PACSIN1: variants seen among roughly 807,000 people sequenced by gnomAD.
The protein encoded by PACSIN1 is protein kinase C and casein kinase substrate in neurons protein 1.
Under a neutral mutation model 59.5 loss-of-function variants are expected in PACSIN1, and 15 were observed. The ratio of observed to expected loss-of-function variants is 0.25; its 90% CI spans 0.17 to 0.39. The LOEUF (loss-of-function observed/expected upper bound fraction) is 0.39, where lower values mean the gene tolerates loss of function less well. PACSIN1 is among the 10% of genes least tolerant of loss of function. The pLI, the probability that PACSIN1 is intolerant of heterozygous loss-of-function variation, is 1.00. For synonymous variants in PACSIN1, 210 were observed against 220.6 expected (o/e 0.95, Z 0.42); for missense variants, 420 against 580.2 (o/e 0.72, Z 2.84).
At chr6:34,467,739 G>A (rs906130443) in intron 1 of PACSIN1, among the ~76,000 whole-genome samples, 1 of 151,990 alleles carries the variant, frequency 6.6e-6, no homozygotes, top group African/African-American at 2.4e-5. Context: ...TATATTTTTA[G>A]TAGAGACGGG....
At chr6:34,487,432 CCG>C (rs1491091355) in intron 1 of PACSIN1, among the ~76,000 whole-genome samples, 1 of 152,112 alleles carries the variant, frequency 6.6e-6, no homozygotes, top group Non-Finnish European at 1.5e-5. Flanking sequence ...CCCCCGTGCT[CCG>C]GTGGGCTGAG....
At chr6:34,479,219 A>C (rs1766681834) in intron 1 of PACSIN1, among the ~76,000 whole-genome samples, 1 of 152,136 alleles carries the variant, frequency 6.6e-6, no homozygotes, top group Non-Finnish European at 1.5e-5. Context: ...TAACAAATTT[A>C]ATATAAAGCC....
intron 1 of PACSIN1, among the ~76,000 whole-genome samples, chr6:34,475,247 A>T (rs1051616451): frequency 6.6e-6 from 1 of 152,066 alleles, no homozygotes; most frequent in Non-Finnish European, 1.5e-5. Context: ...CTGCCCACAG[A>T]GCTGACCGCC....
rs778966778 is a variant in PACSIN1, at chr6:34,527,352, C to G, written c.84C>G (p.Thr28=). The G allele has an allele frequency of 5.7e-6, 9 of 1,589,310 alleles. No homozygotes were observed. The highest frequency in any genetic ancestry group is 4.6e-5 in the South Asian group (4 of 87,848). ...GCCAGGTGGGGAACTACAAGCGGAC[C>G]GTGAAGCGCATCGATGACGGCCACC... is the stretch of plus-strand genomic sequence containing the variant. The part of the protein sequence containing the change: ...SFWEVGNYKR[T]VKRIDDGHRL... The change falls in exon 3 of 10, where the codon ACC becomes ACG. Residue 28 remains threonine (T), a synonymous_variant. Transcript: ENST00000244458.
intron 1 of PACSIN1, among the ~76,000 whole-genome samples, chr6:34,477,424 A>T (rs1233950810): frequency 1.3e-5 from 2 of 152,018 alleles, no homozygotes; most frequent in Non-Finnish European, 2.9e-5. Context: ...AAAGAAAATC[A>T]TGTCCATCTC....
chr6:34,486,942 AACTT>A (rs1352549629), intron 1 of PACSIN1, among the ~76,000 whole-genome samples: 2 of 151,822 alleles, frequency 1.3e-5, no homozygotes, highest in Non-Finnish European at 2.9e-5. Context: ...TGAGGCAGCC[AACTT>A]ACTTGAACTC....
At chr6:34,491,901 C>T (rs895647374) in intron 1 of PACSIN1, among the ~76,000 whole-genome samples, 7 of 152,056 alleles carry the variant, frequency 4.6e-5, no homozygotes, top group Admixed American at 2.0e-4. Flanking sequence ...TGTGAACCAC[C>T]GCGCCCGGCC....
chr6:34,503,531 A>G (rs1053123624), intron 1 of PACSIN1, among the ~76,000 whole-genome samples: 1 of 152,160 alleles, frequency 6.6e-6, no homozygotes, highest in African/African-American at 2.4e-5. Flanking sequence ...GCAGGCTGCT[A>G]TGTTGGACTG....
At chr6:34,526,187 G>A (rs563982015) in intron 1 of PACSIN1, 56 bp from the exon 2 acceptor site, 12 of 807,104 alleles carry the variant, frequency 1.5e-5, no homozygotes, top group African/African-American at 3.4e-5. Context: ...CTGGAATGGG[G>A]CAAAGGGTGG....
In PACSIN1 at chr6:34,521,496, C is replaced by T. The variant is rs1331901981; in HGVS notation, c.-63-4747C>T. Among the ~76,000 whole-genome samples the T allele has an allele frequency of 6.6e-6, 1 of 152,164 alleles. No individual in the cohort carries two copies. The highest frequency in any genetic ancestry group is 1.5e-5 in the Non-Finnish European group (1 of 68,020). ...AGATGCCTGGGCCTGAGGAGAGATG[C>T]CCTCCACGCTGGGGCTCCTTTGTCA... On this transcript the variant is annotated intron_variant, in intron 1 of 9. Transcript: ENST00000244458. This position sits in a 1 kb window ranked among gnomAD's most constrained non-coding sequence, Gnocchi z 4.3.
At position 34,530,170 on chromosome 6, in the gene PACSIN1, G is replaced by A; in HGVS notation, c.789-73G>A. On this transcript the variant is annotated intron_variant, in intron 6 of 9. Transcript: ENST00000244458. This position sits in a 1 kb window ranked among gnomAD's most constrained non-coding sequence, Gnocchi z 4.4. ...CACCCTGCTTCCCTGAGTGGACTCT[G>A]GCCTCTCACCAAGGTTGAGGAGGGG... is the stretch of plus-strand genomic sequence containing the variant. The A allele has an allele frequency of 6.6e-7, 1 of 1,521,880 alleles. No individual in the cohort carries two copies. 94.3% of individuals were successfully genotyped at this position (1,521,880 alleles called of 1,614,324 possible).
intron 1 of PACSIN1, among the ~76,000 whole-genome samples, chr6:34,524,190 T>G (rs1174409483): frequency 1.3e-5 from 2 of 151,804 alleles, no homozygotes; most frequent in African/African-American, 4.8e-5. Flanking sequence ...AGGTAGAGAG[T>G]GGTCTCAGCC....
At chr6:34,471,421 A>G (rs1200293409) in intron 1 of PACSIN1, among the ~76,000 whole-genome samples, 1 of 152,226 alleles carries the variant, frequency 6.6e-6, no homozygotes, top group Admixed American at 6.5e-5. Flanking sequence ...GAGATGTTCC[A>G]AATTTCCCAT....
chr6:34,532,610 A>T lies in PACSIN1; in HGVS notation c.*80A>T, dbSNP rs1434273217. The T allele has an allele frequency of 1.4e-5, 10 of 738,642 alleles. No individual in the cohort carries two copies. Among genetic ancestry groups the T allele is most frequent in the Admixed American group, 2.8e-5 (1 of 36,006 alleles). 45.8% of individuals were successfully genotyped at this position (738,642 alleles called of 1,614,324 possible). On this transcript the variant is annotated 3_prime_UTR_variant, in exon 10 of 10. Coordinates refer to ENST00000244458, the MANE Select transcript of PACSIN1 (RefSeq NM_020804.5). This position sits in a 1 kb window ranked among gnomAD's most constrained non-coding sequence, Gnocchi z 5.2. ...CCACTCTCGTCTCCTTCCCCTCGCC[A>T]TAGAGTTCCAGACATATTTTCCGAT...
chr6:34,472,762 G>A (rs1424708008), intron 1 of PACSIN1, among the ~76,000 whole-genome samples: 3 of 152,162 alleles, frequency 2.0e-5, no homozygotes, highest in African/African-American at 7.2e-5. Flanking sequence ...GGTAAGGTAA[G>A]GTAACATCTG....
chr6:34,485,889 G>A (rs1766786372), intron 1 of PACSIN1, among the ~76,000 whole-genome samples: 1 of 152,170 alleles, frequency 6.6e-6, no homozygotes, highest in Admixed American at 6.5e-5. Flanking sequence ...GAGGCCAACT[G>A]GAAAGGCTTC....
intron 1 of PACSIN1, among the ~76,000 whole-genome samples, chr6:34,519,517 C>G (rs1767351455): frequency 3.9e-5 from 6 of 152,066 alleles, no homozygotes; most frequent in Admixed American, 3.9e-4. Flanking sequence ...CCAGGTGAGG[C>G]CCAACAGTCC....
In PACSIN1 at chr6:34,511,480, A is replaced by C. The variant is rs577260071; in HGVS notation, c.-63-14763A>C. ...ATGGCTCTTTATGAAAAAACACTGG[A>C]TACGGTATAAAGCACCATGCACAGT... is the stretch of plus-strand genomic sequence containing the variant. On this transcript the variant is annotated intron_variant, in intron 1 of 9. Coordinates refer to ENST00000244458, the MANE Select transcript of PACSIN1 (RefSeq NM_020804.5). Among the ~76,000 whole-genome samples, 7 of 152,216 alleles carry C rather than the reference A, an allele frequency of 4.6e-5. No homozygotes were observed. In the East Asian group the frequency reaches 1.2e-3, roughly 25 times the overall value.
chr6:34,484,779 C>A (rs748085827), intron 1 of PACSIN1, among the ~76,000 whole-genome samples: 11 of 151,872 alleles, frequency 7.2e-5, no homozygotes, highest in South Asian at 2.1e-4. Context: ...AAAATAAAAT[C>A]TATTAATTAA....
Sources: allele counts gnomAD v4.1 joint callset (sites outside exome capture counted in the v4.1 genomes callset), GRCh38; gene constraint gnomAD v4.1.1; non-coding constraint Gnocchi (gnomAD v3.1); transcripts MANE v1.5; gene names NCBI Gene and HGNC (gene_info 2026-07-23, HGNC 2026-07-21).